CTNNA3: variants seen among roughly 807,000 people sequenced by gnomAD.
CTNNA3 encodes catenin alpha-3.
A neutral mutation model predicts 95.7 loss-of-function variants in CTNNA3; 76 were observed. The ratio of observed to expected loss-of-function variants is 0.79; its 90% CI spans 0.66 to 0.96. The LOEUF (loss-of-function observed/expected upper bound fraction) is 0.96. Ranked by LOEUF, CTNNA3 falls within the 40% of genes least tolerant of loss-of-function variation. The probability of loss-of-function intolerance (pLI) is 0.00; values close to 1 mark genes in which losing one functional copy is unlikely to be tolerated. For synonymous variants in CTNNA3, 431 were observed against 374.4 expected (o/e 1.15, Z -1.74); for missense variants, 1,191 against 1,089.8 (o/e 1.09, Z -1.31).
intron 11 of CTNNA3, among the ~76,000 whole-genome samples, chr10:66,483,823 T>C (rs778929512): frequency 6.6e-6 from 1 of 152,096 alleles, no homozygotes; most frequent in Non-Finnish European, 1.5e-5. Flanking sequence ...CAGATGGGGC[T>C]AATGAACACT....
intron 9 of CTNNA3, among the ~76,000 whole-genome samples, chr10:66,693,134 G>A (rs1255197406): frequency 6.6e-6 from 1 of 152,112 alleles, no homozygotes. Context: ...AATGTAAATG[G>A]ACTAGATGCT....
At chr10:66,822,730 GA>G (rs1842345624) in intron 7 of CTNNA3, among the ~76,000 whole-genome samples, 1 of 152,126 alleles carries the variant, frequency 6.6e-6, no homozygotes. Flanking sequence ...GAGAGAAAGG[GA>G]AAGAGAACAA....
chr10:67,356,830 T>C (rs1394345302), intron 5 of CTNNA3, among the ~76,000 whole-genome samples: 2 of 152,132 alleles, frequency 1.3e-5, no homozygotes, highest in Admixed American at 1.3e-4. Context: ...GTAAAACTTA[T>C]ACTTTGACTA....
intron 12 of CTNNA3, among the ~76,000 whole-genome samples, chr10:66,360,738 TTC>T (rs761901665): frequency 0.023 from 2,103 of 92,624 alleles, 363 homozygotes; most frequent in South Asian, 0.066. Context: ...CTTTCTTTCT[TTC>T]TTTCTTCCTT....
intron 7 of CTNNA3, among the ~76,000 whole-genome samples, chr10:66,855,042 T>C (rs1843638070): frequency 6.6e-6 from 1 of 151,924 alleles, no homozygotes; most frequent in African/African-American, 2.4e-5. Context: ...AGATGTCTAA[T>C]AAATAATAGC....
At chr10:67,689,971 G>A (rs1229241282) in intron 1 of CTNNA3, among the ~76,000 whole-genome samples, 1 of 152,188 alleles carries the variant, frequency 6.6e-6, no homozygotes, top group African/African-American at 2.4e-5. Context: ...TTGCCAAAAT[G>A]TGTCCAGAAT....
intron 2 of CTNNA3, among the ~76,000 whole-genome samples, chr10:67,625,352 T>A (rs1838918753): frequency 6.6e-6 from 1 of 152,132 alleles, no homozygotes; most frequent in Non-Finnish European, 1.5e-5. Context: ...AACAAACACC[T>A]CCTCAACCAT....
chr10:65,994,725 C>A (rs1014819434), intron 15 of CTNNA3, among the ~76,000 whole-genome samples: 4 of 152,118 alleles, frequency 2.6e-5, no homozygotes, highest in Admixed American at 2.0e-4. Context: ...TTCCAGGCAT[C>A]ATTTTACTAA....
chr10:66,036,385 C>A (rs1404711259), intron 15 of CTNNA3, among the ~76,000 whole-genome samples: 3 of 151,940 alleles, frequency 2.0e-5, no homozygotes, highest in African/African-American at 7.3e-5. Context: ...TTTTTGTTTT[C>A]TTTTTGAGAT....
At chr10:67,480,751 T>C (rs1211545869) in intron 5 of CTNNA3, among the ~76,000 whole-genome samples, 2 of 152,208 alleles carry the variant, frequency 1.3e-5, no homozygotes, top group African/African-American at 4.8e-5. Flanking sequence ...CTCTCAGCTC[T>C]GAAGGCTGTT....
chr10:66,626,385 A>T (rs1247245971), intron 9 of CTNNA3, among the ~76,000 whole-genome samples: 2 of 152,064 alleles, frequency 1.3e-5, no homozygotes, highest in Non-Finnish European at 2.9e-5. Context: ...AGTTAATTGT[A>T]ATATCATGTC....
chr10:66,952,481 T>C (rs1216548983), intron 7 of CTNNA3, among the ~76,000 whole-genome samples: 1 of 152,182 alleles, frequency 6.6e-6, no homozygotes, highest in Non-Finnish European at 1.5e-5. Flanking sequence ...CGTCTTGTTT[T>C]TCATTTGATG....
intron 7 of CTNNA3, among the ~76,000 whole-genome samples, chr10:67,056,345 A>C (rs1268335279): frequency 6.6e-6 from 1 of 152,166 alleles, no homozygotes; most frequent in Non-Finnish European, 1.5e-5. Flanking sequence ...ACTTCTATGC[A>C]TAATTGGTCA....
chr10:66,003,350 A>T (rs965709885), intron 15 of CTNNA3, among the ~76,000 whole-genome samples: 1 of 139,040 alleles, frequency 7.2e-6, no homozygotes. Flanking sequence ...GTGTGTGTGG[A>T]GAGAGAGAGA....
intron 7 of CTNNA3, among the ~76,000 whole-genome samples, chr10:67,021,176 C>G (rs1852987012): frequency 6.6e-6 from 1 of 151,896 alleles, no homozygotes; most frequent in Admixed American, 6.6e-5. Context: ...GCAAAAGTAT[C>G]AAGATCAGAA....
chr10:66,162,465 C>T (rs1265848196), intron 13 of CTNNA3, among the ~76,000 whole-genome samples: 4 of 152,088 alleles, frequency 2.6e-5, no homozygotes, highest in Admixed American at 2.6e-4. Context: ...ACTGCACTGA[C>T]TGTTGTCTCC....
At chr10:67,328,650 G>C (rs1841653772) in intron 5 of CTNNA3, among the ~76,000 whole-genome samples, 1 of 152,166 alleles carries the variant, frequency 6.6e-6, no homozygotes, top group Non-Finnish European at 1.5e-5. Context: ...ATGAGTGTGG[G>C]TATACTGTAG....
chr10:66,974,915 A>T (rs912582148), intron 7 of CTNNA3, among the ~76,000 whole-genome samples: 5 of 151,840 alleles, frequency 3.3e-5, no homozygotes, highest in African/African-American at 9.7e-5. Context: ...TTTTAAGGAG[A>T]AAAAAGTATT....
In CTNNA3 at chr10:67,370,507, G is replaced by A. The variant is rs16924423; in HGVS notation, c.580-150637C>T. 8.6e-3 allele frequency among the ~76,000 whole-genome samples: 1,309 copies of A among 152,190 alleles called. 50 individuals carry two copies. The South Asian group carries it at 0.099, about 11-fold the overall frequency. On this transcript the variant is annotated intron_variant, in intron 5 of 17. Transcript: ENST00000433211. ...AGGCATGTGTTTGCATGCGAATAAC[G>A]ACAAATAGCTAAGAAATCTTACAAT... is the stretch of plus-strand genomic sequence containing the variant.
Sources: allele counts gnomAD v4.1 joint callset (sites outside exome capture counted in the v4.1 genomes callset), GRCh38; gene constraint gnomAD v4.1.1; transcripts MANE v1.5; gene names NCBI Gene and HGNC (gene_info 2026-07-23, HGNC 2026-07-21).